The following DGKH variants were observed in gnomAD, a reference collection of about 807,000 sequenced individuals.
DGKH encodes diacylglycerol kinase eta.
DGKH carries 90 observed loss-of-function variants against 159.3 expected under a neutral mutation model. That is an observed-to-expected ratio of 0.57 (90% CI 0.48 to 0.67). DGKH has a LOEUF of 0.67. Ranked by LOEUF, DGKH falls within the 30% of genes least tolerant of loss-of-function variation. DGKH has a pLI of 0.00. For missense variants in DGKH, 1,181 were observed against 1,506.1 expected (o/e 0.78, Z 3.57); for synonymous variants, 536 against 553.8 (o/e 0.97, Z 0.45).
At chr13:42,041,915 TCTGCCTGTTGAGAG>T (rs776240634) in intron 1 of DGKH, among the ~76,000 whole-genome samples, 5 of 152,220 alleles carry the variant, frequency 3.3e-5, no homozygotes, top group Non-Finnish European at 7.3e-5. Flanking sequence ...AGGCCGGCCC[TCTGCCTGTTGAGAG>T]CCGCTAGGTC....
chr13:42,154,029 A>G (rs1446198572), intron 3 of DGKH: 3 of 152,162 alleles, frequency 2.0e-5, no homozygotes, highest in African/African-American at 7.2e-5. Flanking sequence ...GACTGGATTG[A>G]TCTCTGTTGT....
chr13:42,199,341 A>T (rs898111294), intron 18 of DGKH, among the ~76,000 whole-genome samples: 3 of 152,140 alleles, frequency 2.0e-5, no homozygotes, highest in African/African-American at 7.2e-5. Flanking sequence ...TCACACCATA[A>T]CTGTGTGTCT....
chr13:42,198,783 A>G (rs1046685857), intron 18 of DGKH, among the ~76,000 whole-genome samples, 188 bp downstream of exon 18: 1 of 152,128 alleles, frequency 6.6e-6, no homozygotes, highest in Non-Finnish European at 1.5e-5. Context: ...GGTCTCCGTG[A>G]TCTGTCCCTG....
chr13:42,186,127 C>T lies in DGKH; in HGVS notation c.1539-922C>T, dbSNP rs1956920882. On this transcript the variant is annotated intron_variant, in intron 13 of 29. Transcript: ENST00000337343. ...AATTTACCATTTTGCCACTCAACTA[C>T]CAGAGAAAGTTGTGAGTGTAATAGA... 4.6e-5 allele frequency among the ~76,000 whole-genome samples: 7 copies of T among 151,438 alleles called. No homozygotes were observed. The South Asian group carries it at 1.5e-3, about 32-fold the overall frequency.
intron 1 of DGKH, among the ~76,000 whole-genome samples, chr13:42,091,584 T>C (rs559285715): frequency 6.6e-6 from 1 of 152,294 alleles, no homozygotes; most frequent in South Asian, 2.1e-4. Flanking sequence ...TAAATGGTAT[T>C]ACATCGAGCT....
chr13:42,203,674 G>A (rs542698822), intron 20 of DGKH, among the ~76,000 whole-genome samples: 2 of 152,090 alleles, frequency 1.3e-5, no homozygotes, highest in East Asian at 3.9e-4. Flanking sequence ...TAGAAACATG[G>A]GATGGCTAGG....
intron 1 of DGKH, among the ~76,000 whole-genome samples, chr13:42,101,795 A>G (rs79747324): frequency 5.3e-5 from 7 of 132,224 alleles, no homozygotes; most frequent in Non-Finnish European, 1.0e-4. Flanking sequence ...GAGAGAGAGA[A>G]AGAGAGAGAA....
At chr13:42,076,805 AG>A (rs575693690) in intron 1 of DGKH, among the ~76,000 whole-genome samples, 364 of 152,310 alleles carry the variant, frequency 2.4e-3, no homozygotes, top group Non-Finnish European at 3.2e-3. Context: ...AATTCATCCA[AG>A]GGAAGCTGCT....
chr13:42,107,208 G>T lies in DGKH; in HGVS notation c.193-20255G>T, dbSNP rs192747867. Reference sequence around the variant, plus strand: ...GGTTATTTAAGTCCAGCATTTAAGGGTGAGTCACGAGAGGAAAGGTCCAGG... The same window carrying T: ...GGTTATTTAAGTCCAGCATTTAAGGTTGAGTCACGAGAGGAAAGGTCCAGG... On this transcript the variant is annotated intron_variant, in intron 1 of 29. Transcript: ENST00000337343. 3.4e-3 allele frequency among the ~76,000 whole-genome samples: 511 copies of T among 152,340 alleles called. 4 individuals are homozygous for T. Among genetic ancestry groups the T allele is most frequent in the South Asian group, 0.017 (82 of 4,830 alleles).
chr13:42,159,157 T>C lies in DGKH; in HGVS notation c.623-109T>C, dbSNP rs1217115907. Reference sequence around the variant, plus strand: ...TCTTTTAAATATATTTGTTTTCTTCTACTTCCTCCTTCCCTTTTAAAATTT... The same window carrying C: ...TCTTTTAAATATATTTGTTTTCTTCCACTTCCTCCTTCCCTTTTAAAATTT... On this transcript the variant is annotated intron_variant, in intron 5 of 29. Coordinates refer to ENST00000337343, the MANE Select transcript of DGKH (RefSeq NM_178009.5). 6.6e-6 allele frequency: 4 copies of C among 606,480 alleles called. No individual in the cohort carries two copies. The East Asian group carries it at 8.7e-5, about 13-fold the overall frequency. The allele number at this position is 606,480 out of a possible 1,614,324, so 37.6% of individuals were successfully genotyped here.
At chr13:42,105,686 A>G (rs1954737029) in intron 1 of DGKH, among the ~76,000 whole-genome samples, 2 of 152,228 alleles carry the variant, frequency 1.3e-5, no homozygotes, top group Non-Finnish European at 2.9e-5. Context: ...TTCTTTGGTC[A>G]TGCCTACAAA....
At chr13:42,212,458 A>G (rs1051322177) in intron 24 of DGKH, among the ~76,000 whole-genome samples, 1 of 152,216 alleles carries the variant, frequency 6.6e-6, no homozygotes, top group African/African-American at 2.4e-5. Context: ...TCTCTTTTAG[A>G]TACTACAGAC....
intron 1 of DGKH, among the ~76,000 whole-genome samples, chr13:42,088,286 A>G (rs949874132): frequency 2.0e-5 from 3 of 152,204 alleles, no homozygotes; most frequent in African/African-American, 7.2e-5. Context: ...ATCTAGGCCA[A>G]ATAAAAATAG....
At chr13:42,168,374 T>A in intron 9 of DGKH, 66 bp from the exon 10 acceptor site, 1 of 1,354,214 alleles carries the variant, frequency 7.4e-7, no homozygotes, top group South Asian at 1.3e-5. Context: ...TGATACAGAA[T>A]AACAAAGAAT....
Position 42,189,325 on chromosome 13 carries a change from T to A in DGKH, c.1912+16T>A. The A allele has an allele frequency of 6.2e-7, 1 of 1,611,962 alleles. No homozygotes were observed. The highest frequency in any genetic ancestry group is 8.5e-7 in the Non-Finnish European group (1 of 1,178,294). ...GCCGGAAAAGGTACACATTAACAAATTTAGCTTTGGAAGAAGTTGGCAGCA... is the reference window on the plus strand; with the variant it reads ...GCCGGAAAAGGTACACATTAACAAAATTAGCTTTGGAAGAAGTTGGCAGCA... On this transcript the variant is annotated intron_variant, in intron 15 of 29. Coordinates refer to ENST00000337343, the MANE Select transcript of DGKH (RefSeq NM_178009.5).
At chr13:42,203,141 T>C (rs1009326704) in intron 20 of DGKH, among the ~76,000 whole-genome samples, 2 of 152,212 alleles carry the variant, frequency 1.3e-5, no homozygotes, top group African/African-American at 4.8e-5. Flanking sequence ...TTTCTGTATT[T>C]GTTTAATTCA....
At chr13:42,201,251 A>T (rs189342734) in intron 20 of DGKH, among the ~76,000 whole-genome samples, 1 of 152,138 alleles carries the variant, frequency 6.6e-6, no homozygotes, top group Non-Finnish European at 1.5e-5. Context: ...TCGGCCTTCC[A>T]AAGTGCTGGG....
chr13:42,069,988 G>A (rs1215312945), intron 1 of DGKH: 4 of 790,392 alleles, frequency 5.1e-6, no homozygotes, highest in Non-Finnish European at 8.9e-6. Flanking sequence ...GTTATGTATA[G>A]GCCAATCATG....
intron 29 of DGKH, among the ~76,000 whole-genome samples, chr13:42,228,051 C>A (rs895896206): frequency 2.0e-5 from 3 of 151,932 alleles, no homozygotes; most frequent in Non-Finnish European, 4.4e-5. Flanking sequence ...CTGACTATGC[C>A]TTTTACTTAA....
Sources: allele counts gnomAD v4.1 joint callset (sites outside exome capture counted in the v4.1 genomes callset), GRCh38; gene constraint gnomAD v4.1.1; transcripts MANE v1.5; gene names NCBI Gene and HGNC (gene_info 2026-07-23, HGNC 2026-07-21).